The following RARB variants were observed in gnomAD, a reference collection of about 807,000 sequenced individuals.
The protein encoded by RARB is HBV-activated protein.
Under a neutral mutation model 51.9 loss-of-function variants are expected in RARB, and 17 were observed. That is an observed-to-expected ratio of 0.33 (90% CI 0.22 to 0.49). RARB has a LOEUF of 0.49. Among genes scored for constraint, RARB ranks in the 20% least tolerant of loss-of-function variants. The pLI, the probability that RARB is intolerant of heterozygous loss-of-function variation, is 0.99. For missense variants in RARB, 369 were observed against 550.8 expected (o/e 0.67, Z 3.30); for synonymous variants, 215 against 195.4 (o/e 1.10, Z -0.84).
At chr3:25,567,619 G>A (rs930058841) in intron 3 of RARB, among the ~76,000 whole-genome samples, 4 of 152,172 alleles carry the variant, frequency 2.6e-5, no homozygotes, top group African/African-American at 9.7e-5. Context: ...TCATGGACAA[G>A]TTTTGCATAG....
intron 5 of RARB, among the ~76,000 whole-genome samples, chr3:25,298,259 T>C (rs1703963880): frequency 1.3e-5 from 2 of 151,770 alleles, no homozygotes; most frequent in South Asian, 2.1e-4. Flanking sequence ...CTTGGCTCAC[T>C]GCAACCCTTG....
At chr3:25,303,147 C>T (rs1051092517) in intron 5 of RARB, among the ~76,000 whole-genome samples, 4 of 152,136 alleles carry the variant, frequency 2.6e-5, no homozygotes, top group African/African-American at 7.2e-5. Context: ...TCTTGACATG[C>T]TCAGCAGTTC....
chr3:24,968,955 T>C (rs561427743), intron 2 of RARB, among the ~76,000 whole-genome samples: 13 of 152,228 alleles, frequency 8.5e-5, no homozygotes, highest in African/African-American at 2.6e-4. Context: ...CAAGTACTTT[T>C]CTGGGTAATT....
chr3:25,013,439 C>T (rs1697439818), intron 2 of RARB, among the ~76,000 whole-genome samples: 1 of 152,084 alleles, frequency 6.6e-6, no homozygotes, highest in Non-Finnish European at 1.5e-5. Context: ...GCTCTACTTT[C>T]CCAACTATTC....
intron 2 of RARB, among the ~76,000 whole-genome samples, chr3:24,868,448 C>G (rs754052489): frequency 2.6e-5 from 4 of 151,882 alleles, no homozygotes; most frequent in Non-Finnish European, 4.4e-5. Flanking sequence ...TTTTGTGAAA[C>G]GAGAACTCAA....
chr3:25,550,481 G>A (rs1049705959), intron 3 of RARB, among the ~76,000 whole-genome samples: 1 of 152,014 alleles, frequency 6.6e-6, no homozygotes, highest in South Asian at 2.1e-4. Flanking sequence ...TGGCAGAAGG[G>A]GGAAGCAAGC....
intron 2 of RARB, among the ~76,000 whole-genome samples, chr3:24,924,239 C>CA (rs899370691): frequency 5.3e-5 from 8 of 152,262 alleles, no homozygotes; most frequent in African/African-American, 1.7e-4. Context: ...TGGTAATAAC[C>CA]ATGTACTATC....
intron 5 of RARB, among the ~76,000 whole-genome samples, chr3:25,271,459 C>T (rs1483870949): frequency 6.6e-6 from 1 of 152,168 alleles, no homozygotes; most frequent in Non-Finnish European, 1.5e-5. Flanking sequence ...AGTCACGTTC[C>T]TTGGCCAAAG....
At chr3:24,971,731 G>A (rs1471056518) in intron 2 of RARB, among the ~76,000 whole-genome samples, 4 of 151,940 alleles carry the variant, frequency 2.6e-5, no homozygotes, top group Non-Finnish European at 5.9e-5. Context: ...ATTTTTATTA[G>A]CATAACTTGG....
intron 5 of RARB, among the ~76,000 whole-genome samples, chr3:25,202,827 C>T (rs979690595): frequency 1.3e-5 from 2 of 152,170 alleles, no homozygotes; most frequent in Non-Finnish European, 2.9e-5. Flanking sequence ...TGTTCTTTTA[C>T]TTTTGCTGAG....
chr3:25,577,219 T>C (rs956293357), intron 4 of RARB, among the ~76,000 whole-genome samples: 7 of 152,158 alleles, frequency 4.6e-5, no homozygotes, highest in Non-Finnish European at 1.5e-5. Flanking sequence ...CGCGGGATCT[T>C]GCACAAATGA....
intron 2 of RARB, among the ~76,000 whole-genome samples, chr3:24,919,177 T>C (rs1016305853): frequency 6.6e-6 from 1 of 152,222 alleles, no homozygotes; most frequent in Non-Finnish European, 1.5e-5. Context: ...CCTACTACTA[T>C]GATAATAATG....
At chr3:25,579,701 A>C (rs895160869) in intron 4 of RARB, among the ~76,000 whole-genome samples, 3 of 152,198 alleles carry the variant, frequency 2.0e-5, no homozygotes, top group Non-Finnish European at 2.9e-5. Flanking sequence ...CTTATTGAAG[A>C]AACCAGTTCA....
At chr3:24,900,759 T>C (rs1330770323) in intron 2 of RARB, among the ~76,000 whole-genome samples, 1 of 152,238 alleles carries the variant, frequency 6.6e-6, no homozygotes, top group Non-Finnish European at 1.5e-5. Flanking sequence ...TAAGCATGTC[T>C]AATTTGAGCA....
At chr3:24,952,909 C>A (rs537802924) in intron 2 of RARB, among the ~76,000 whole-genome samples, 1 of 151,436 alleles carries the variant, frequency 6.6e-6, no homozygotes, top group East Asian at 1.9e-4. Context: ...TTTGTTTTTT[C>A]TTTTGCCTCA....
intron 2 of RARB, among the ~76,000 whole-genome samples, chr3:24,901,760 G>T (rs1332939954): frequency 6.6e-6 from 1 of 152,136 alleles, no homozygotes; most frequent in Non-Finnish European, 1.5e-5. Context: ...TTGCTGACTA[G>T]GGGGATTCCT....
At chr3:24,882,377 T>G (rs984326363) in intron 2 of RARB, among the ~76,000 whole-genome samples, 5 of 152,198 alleles carry the variant, frequency 3.3e-5, no homozygotes, top group Admixed American at 6.5e-5. Context: ...AAAATAACTC[T>G]AGCATTTATA....
At chr3:25,583,400 C>A (rs1701260869) in intron 5 of RARB, among the ~76,000 whole-genome samples, 1 of 152,174 alleles carries the variant, frequency 6.6e-6, no homozygotes, top group Non-Finnish European at 1.5e-5. Flanking sequence ...GAAAGGAAAC[C>A]CAGGCTGTCT....
At chr3:25,072,779 G>A (rs528474022) in intron 3 of RARB, among the ~76,000 whole-genome samples, 2 of 152,032 alleles carry the variant, frequency 1.3e-5, no homozygotes, top group Non-Finnish European at 2.9e-5. Context: ...CGCGATCTCG[G>A]CTCACTGCAA....
Sources: allele counts gnomAD v4.1 joint callset (sites outside exome capture counted in the v4.1 genomes callset), GRCh38; gene constraint gnomAD v4.1.1; transcripts MANE v1.5; gene names NCBI Gene and HGNC (gene_info 2026-07-23, HGNC 2026-07-21).